The following RBPMS2 variants were observed in gnomAD, a reference collection of about 807,000 sequenced individuals.
RBPMS2 encodes RNA binding protein, mRNA processing factor 2.
RBPMS2 carries 14 observed loss-of-function variants against 25.7 expected under a neutral mutation model. The ratio of observed to expected loss-of-function variants is 0.55; its 90% CI spans 0.36 to 0.85. The LOEUF is 0.85. Among genes scored for constraint, RBPMS2 ranks in the 40% least tolerant of loss-of-function variants. The pLI, the probability that RBPMS2 is intolerant of heterozygous loss-of-function variation, is 0.01. For synonymous variants in RBPMS2, 127 were observed against 115.6 expected, an observed-to-expected ratio of 1.10 and a Z score of -0.63; for missense variants, 252 against 283.4, an observed-to-expected ratio of 0.89 and a Z score of 0.80.
chr15:64,767,029 C>T (rs571047484), intron 1 of RBPMS2, among the ~76,000 whole-genome samples: 2 of 152,184 alleles, frequency 1.3e-5, no homozygotes, highest in South Asian at 4.2e-4. Flanking sequence ...AGTGATCCAC[C>T]CACTTCAGTC....
At chr15:64,750,310 C>T (rs756555672) in intron 3 of RBPMS2, 33 bp downstream of exon 3, 3 of 1,601,202 alleles carry the variant, frequency 1.9e-6, no homozygotes, top group Non-Finnish European at 2.6e-6. Flanking sequence ...CCGGTCTGGG[C>T]TGGGAGGAAG....
intron 1 of RBPMS2, among the ~76,000 whole-genome samples, chr15:64,772,623 C>T (rs926035294): frequency 6.6e-6 from 1 of 152,152 alleles, no homozygotes; most frequent in Admixed American, 6.6e-5. Context: ...CACAAACCTA[C>T]CTCCTCACTT....
Position 64,751,542 on chromosome 15 carries a change from C to T in RBPMS2, c.165+19G>A, listed in dbSNP as rs773707354. The T allele has an allele frequency of 2.1e-5, 33 of 1,609,466 alleles. No homozygotes were observed. The Admixed American group carries it at 2.7e-4, about 13-fold the overall frequency. On this transcript the variant is annotated intron_variant, in intron 2 of 7. Coordinates refer to ENST00000300069, the MANE Select transcript of RBPMS2 (RefSeq NM_194272.3). ...AGGGTCCCAGGCTCTACCCAGGGGG[C>T]GGCTGGGTCCTGACTCACCTTGAAC... is the stretch of plus-strand genomic sequence containing the variant.
At chr15:64,775,045 G>A (rs929310739) in intron 1 of RBPMS2, among the ~76,000 whole-genome samples, 188 bp downstream of exon 1, 4 of 150,730 alleles carry the variant, frequency 2.7e-5, no homozygotes, top group African/African-American at 9.7e-5. Flanking sequence ...TGTCCGGCGG[G>A]GCAGTCCAGG....
At chr15:64,748,875 G>T in intron 5 of RBPMS2, 125 bp downstream of exon 5, 2 of 1,117,694 alleles carry the variant, frequency 1.8e-6, no homozygotes, top group Non-Finnish European at 2.5e-6. Context: ...AAAACCAGGT[G>T]TTTCAAAAAT....
chr15:64,756,694 T>G (rs1309732029), intron 1 of RBPMS2, among the ~76,000 whole-genome samples: 1 of 150,414 alleles, frequency 6.6e-6, no homozygotes, highest in Non-Finnish European at 1.5e-5. Context: ...CAGGCTGGAG[T>G]GCAGTGGCAC....
At chr15:64,771,160 TA>T (rs2083890675) in intron 1 of RBPMS2, among the ~76,000 whole-genome samples, 1 of 152,224 alleles carries the variant, frequency 6.6e-6, no homozygotes. Flanking sequence ...GCCCCCCAGT[TA>T]AAAATTACTT....
intron 1 of RBPMS2, among the ~76,000 whole-genome samples, chr15:64,756,009 T>TA (rs953721363): frequency 6.6e-6 from 1 of 152,134 alleles, no homozygotes; most frequent in African/African-American, 2.4e-5. Flanking sequence ...CCCCTCGCCT[T>TA]ATAGTTCCCA....
chr15:64,744,784 TTTTGG>T (rs139097513), intron 6 of RBPMS2, among the ~76,000 whole-genome samples: 1 of 85,298 alleles, frequency 1.2e-5, no homozygotes, highest in African/African-American at 3.5e-5. Flanking sequence ...ATTTAAGTTT[TTTTGG>T]TTTGTTTTGT....
At chr15:64,763,086 A>G (rs2083806972) in intron 1 of RBPMS2, among the ~76,000 whole-genome samples, 1 of 149,840 alleles carries the variant, frequency 6.7e-6, no homozygotes, top group African/African-American at 2.5e-5. Flanking sequence ...GTTTTGGGGG[A>G]TTGGGTCCTG....
At chr15:64,757,891 G>A (rs948473042) in intron 1 of RBPMS2, among the ~76,000 whole-genome samples, 2 of 152,080 alleles carry the variant, frequency 1.3e-5, no homozygotes, top group Non-Finnish European at 1.5e-5. Flanking sequence ...TGGGAGCATC[G>A]CTTGAGCCCA....
intron 1 of RBPMS2, among the ~76,000 whole-genome samples, chr15:64,764,438 G>C (rs886169182): frequency 6.6e-6 from 1 of 152,168 alleles, no homozygotes; most frequent in Admixed American, 6.5e-5. Context: ...ATTACTTGAC[G>C]GAGGCGAATG....
chr15:64,749,340 G>A (rs2083652526), intron 4 of RBPMS2, 91 bp downstream of exon 4: 2 of 1,374,124 alleles, frequency 1.5e-6, no homozygotes, highest in Non-Finnish European at 2.1e-6. Context: ...CAAGGACTCT[G>A]CCCAGGGATG....
intron 6 of RBPMS2, among the ~76,000 whole-genome samples, chr15:64,745,177 G>A (rs1162169893): frequency 6.6e-6 from 1 of 152,116 alleles, no homozygotes; most frequent in Non-Finnish European, 1.5e-5. Flanking sequence ...CATACCTATA[G>A]ATTTACTTAT....
intron 1 of RBPMS2, among the ~76,000 whole-genome samples, chr15:64,759,729 G>A (rs2083765476): frequency 6.6e-6 from 1 of 152,058 alleles, no homozygotes; most frequent in South Asian, 2.1e-4. Context: ...CTGGAGTGCA[G>A]TGGCACCATC....
chr15:64,744,784 T>TTTCGG (rs2083599254), intron 6 of RBPMS2, among the ~76,000 whole-genome samples: 1 of 85,298 alleles, frequency 1.2e-5, no homozygotes, highest in Non-Finnish European at 2.5e-5. Context: ...ATTTAAGTTT[T>TTTCGG]TTTGGTTTGT....
chr15:64,747,746 C>T (rs562959611), intron 6 of RBPMS2, among the ~76,000 whole-genome samples: 1 of 152,314 alleles, frequency 6.6e-6, no homozygotes, highest in East Asian at 1.9e-4. Flanking sequence ...GCCCATTGGG[C>T]ACCCAGCCCA....
intron 1 of RBPMS2, among the ~76,000 whole-genome samples, chr15:64,756,648 CTT>C (rs532762359): frequency 4.3e-5 from 6 of 140,964 alleles, no homozygotes; most frequent in East Asian, 2.0e-4. Flanking sequence ...TTTTTCATTT[CTT>C]TTTTTTTTTT....
intron 6 of RBPMS2, 66 bp downstream of exon 6, chr15:64,748,353 G>T: frequency 1.3e-6 from 2 of 1,527,184 alleles, no homozygotes; most frequent in South Asian, 2.4e-5. Context: ...AAGTGGCCAG[G>T]CACATGCAAA....
Sources: allele counts gnomAD v4.1 joint callset (sites outside exome capture counted in the v4.1 genomes callset), GRCh38; gene constraint gnomAD v4.1.1; transcripts MANE v1.5; gene names NCBI Gene and HGNC (gene_info 2026-07-23, HGNC 2026-07-21).